CHLSN: variants seen among roughly 807,000 people sequenced by gnomAD.
CHLSN encodes cholesin, also known as protein cholesin.
the CHLSN span, among the ~76,000 whole-genome samples, chr7:1,116,252 G>C: frequency 2.9e-5 from 4 of 137,714 alleles, no homozygotes; most frequent in Admixed American, 2.9e-4. Flanking sequence ...CTTCACTACA[G>C]CTCTACGGAC....
the CHLSN span, among the ~76,000 whole-genome samples, chr7:1,013,509 G>A: frequency 6.6e-6 from 1 of 152,228 alleles, no homozygotes; most frequent in Admixed American, 6.5e-5. Context: ...TTCTGGGAAG[G>A]GGCAGACTTT....
chr7:1,018,414 C>T, the CHLSN span, among the ~76,000 whole-genome samples: 1 of 152,210 alleles, frequency 6.6e-6, no homozygotes, highest in Non-Finnish European at 1.5e-5. Flanking sequence ...CAGCCTGTGG[C>T]GTCTCAGAGC....
chr7:987,408 C>G, the CHLSN span: 1 of 1,594,730 alleles, frequency 6.3e-7, no homozygotes, highest in Non-Finnish European at 8.5e-7. Flanking sequence ...GGCTGGAGGA[C>G]CAGCAGGCTC....
chr7:1,101,610 C>T, the CHLSN span, among the ~76,000 whole-genome samples: 21 of 152,374 alleles, frequency 1.4e-4, no homozygotes, highest in Non-Finnish European at 2.5e-4. Context: ...GATCAGCCTC[C>T]GCGCAGCCGC....
At chr7:995,832 G>A in the CHLSN span, among the ~76,000 whole-genome samples, 1 of 152,264 alleles carries the variant, frequency 6.6e-6, no homozygotes, top group Non-Finnish European at 1.5e-5. Context: ...CACACAGCAG[G>A]CCCTGTGTCG....
At chr7:1,092,945 T>A in the CHLSN span, 1 of 1,251,882 alleles carries the variant, frequency 8.0e-7, no homozygotes, top group Non-Finnish European at 1.1e-6. Flanking sequence ...GTCATGTCTC[T>A]AAACTGCGGT....
chr7:1,033,976 GGAA>G, the CHLSN span, among the ~76,000 whole-genome samples: 68 of 152,248 alleles, frequency 4.5e-4, no homozygotes, highest in Non-Finnish European at 7.6e-4. Flanking sequence ...GCCACAGGCA[GGAA>G]AAGGACCAGA....
the CHLSN span, among the ~76,000 whole-genome samples, chr7:1,137,137 G>T: frequency 6.6e-6 from 1 of 152,078 alleles, no homozygotes; most frequent in African/African-American, 2.4e-5. Context: ...TCGCATCTCT[G>T]GGAACTCACC....
At chr7:1,028,412 G>C in the CHLSN span, 1 of 986,134 alleles carries the variant, frequency 1.0e-6, no homozygotes, top group Non-Finnish European at 1.2e-6. Context: ...AGATCCAGCC[G>C]GCTGGACCGT....
chr7:1,131,901 G>T, the CHLSN span, among the ~76,000 whole-genome samples: 1 of 152,142 alleles, frequency 6.6e-6, no homozygotes, highest in African/African-American at 2.4e-5. Flanking sequence ...GTTTGTTATG[G>T]AAAATGACGT....
At chr7:1,062,512 G>A in the CHLSN span, among the ~76,000 whole-genome samples, 14 of 152,284 alleles carry the variant, frequency 9.2e-5, no homozygotes, top group African/African-American at 2.9e-4. Context: ...CGTCTCAAAC[G>A]GTAGCAGAGG....
the CHLSN span, among the ~76,000 whole-genome samples, chr7:1,071,402 G>A: frequency 6.6e-6 from 1 of 152,210 alleles, no homozygotes; most frequent in Non-Finnish European, 1.5e-5. Context: ...TCTCAGGTGC[G>A]CTGAGAGGAC....
chr7:1,044,480 G>T, the CHLSN span: 22 of 152,360 alleles, frequency 1.4e-4, no homozygotes, highest in Admixed American at 1.2e-3. Context: ...CGGAGGCCAG[G>T]GCGGGACCAA....
At chr7:1,128,005 G>A in the CHLSN span, among the ~76,000 whole-genome samples, 1 of 26,676 alleles carries the variant, frequency 3.7e-5, no homozygotes, top group Non-Finnish European at 6.3e-5. Context: ...ACCGTCACCC[G>A]GGCTGGAGTG....
chr7:1,117,467 A>G, the CHLSN span, among the ~76,000 whole-genome samples: 2 of 135,592 alleles, frequency 1.5e-5, no homozygotes, highest in Non-Finnish European at 1.5e-5. Flanking sequence ...TGATGACATC[A>G]CTGCAGTTCT....
At chr7:1,122,168 G>A in the CHLSN span, among the ~76,000 whole-genome samples, 8 of 152,332 alleles carry the variant, frequency 5.3e-5, no homozygotes, top group African/African-American at 1.9e-4. Flanking sequence ...ACTGAAACCA[G>A]CACAGCACCC....
chr7:1,001,740 G>A, the CHLSN span, among the ~76,000 whole-genome samples: 3 of 114,418 alleles, frequency 2.6e-5, no homozygotes, highest in Middle Eastern at 7.4e-3. Context: ...TGTGGGTGGG[G>A]AGTCCTGTGG....
At chr7:1,028,281 G>A in the CHLSN span, 5 of 1,074,616 alleles carry the variant, frequency 4.7e-6, no homozygotes, top group African/African-American at 3.4e-5. Flanking sequence ...GTCAGGTCCC[G>A]CGGGCACGGA....
the CHLSN span, among the ~76,000 whole-genome samples, chr7:1,102,498 C>A: frequency 1.3e-5 from 2 of 152,384 alleles, no homozygotes; most frequent in African/African-American, 4.8e-5. Context: ...GTCACTTCCA[C>A]AGGGGACGGT....
Sources: allele counts gnomAD v4.1 joint callset (sites outside exome capture counted in the v4.1 genomes callset), GRCh38; gene constraint gnomAD v4.1.1; transcripts MANE v1.5; gene names NCBI Gene and HGNC (gene_info 2026-07-23, HGNC 2026-07-21).